Variants in CCDC178 observed in about 807,000 individuals in gnomAD.
CCDC178 encodes coiled-coil domain containing 178.
CCDC178 carries 126 observed loss-of-function variants against 117.4 expected under a neutral mutation model. The observed-to-expected ratio is 1.07, with a 90% CI of 0.93 to 1.24. The LOEUF is 1.24. Among genes scored for constraint, CCDC178 ranks in the 50% most tolerant of loss-of-function variants. The probability of loss-of-function intolerance (pLI) is 0.00; values close to 1 mark genes in which losing one functional copy is unlikely to be tolerated. For missense variants in CCDC178, 1,030 were observed against 986.9 expected (o/e 1.04, Z -0.59); for synonymous variants, 283 against 313.4 (o/e 0.90, Z 1.02).
chr18:33,163,858 A>G (rs1310686128), intron 20 of CCDC178, among the ~76,000 whole-genome samples: 1 of 152,186 alleles, frequency 6.6e-6, no homozygotes, highest in Non-Finnish European at 1.5e-5. Flanking sequence ...TAATTTTTCC[A>G]ATCATATTGC....
chr18:33,024,470 G>A (rs1485699910), intron 21 of CCDC178, among the ~76,000 whole-genome samples: 1 of 151,868 alleles, frequency 6.6e-6, no homozygotes, highest in African/African-American at 2.4e-5. Context: ...CCGAATTAGG[G>A]TCCACCCATA....
intron 15 of CCDC178, among the ~76,000 whole-genome samples, chr18:33,244,636 G>A (rs1378063412): frequency 6.6e-6 from 1 of 151,900 alleles, no homozygotes; most frequent in African/African-American, 2.4e-5. Context: ...GCAGAACTGA[G>A]TCAATTAAAC....
chr18:33,227,583 C>T (rs1168494423), intron 15 of CCDC178, among the ~76,000 whole-genome samples: 7 of 145,984 alleles, frequency 4.8e-5, no homozygotes, highest in African/African-American at 1.8e-4. Flanking sequence ...TATATATACA[C>T]ACACACACAC....
intron 11 of CCDC178, among the ~76,000 whole-genome samples, chr18:33,307,633 G>A (rs191168539): frequency 1.6e-3 from 250 of 152,294 alleles, no homozygotes; most frequent in Non-Finnish European, 3.0e-3. Context: ...GGGCATGTCA[G>A]AGACCTTCAC....
At chr18:33,082,049 G>T (rs2057305950) in intron 21 of CCDC178, among the ~76,000 whole-genome samples, 1 of 152,130 alleles carries the variant, frequency 6.6e-6, no homozygotes, top group Non-Finnish European at 1.5e-5. Context: ...TGCTTTACTT[G>T]AAGTCCATTT....
intron 21 of CCDC178, among the ~76,000 whole-genome samples, chr18:33,023,804 A>T (rs980198061): frequency 1.1e-4 from 17 of 152,300 alleles, no homozygotes; most frequent in South Asian, 4.1e-4. Context: ...TCTTCAATAT[A>T]TATGTTCTCT....
chr18:33,250,076 T>C (rs1438987158), intron 14 of CCDC178, among the ~76,000 whole-genome samples: 2 of 151,536 alleles, frequency 1.3e-5, no homozygotes. Flanking sequence ...TTTATTAAAA[T>C]AACTATTAAA....
At chr18:33,310,942 C>T (rs2062333682) in intron 11 of CCDC178, among the ~76,000 whole-genome samples, 5 of 152,212 alleles carry the variant, frequency 3.3e-5, no homozygotes, top group Admixed American at 2.0e-4. Context: ...GCCAGTCTTC[C>T]TCTATGATGT....
intron 12 of CCDC178, among the ~76,000 whole-genome samples, chr18:33,279,101 C>T (rs2059989650): frequency 1.3e-5 from 2 of 152,000 alleles, no homozygotes; most frequent in Non-Finnish European, 2.9e-5. Context: ...GAAGTTCTGG[C>T]CAGGGCAATG....
At chr18:33,049,281 T>C (rs573247895) in intron 21 of CCDC178, among the ~76,000 whole-genome samples, 4 of 152,120 alleles carry the variant, frequency 2.6e-5, no homozygotes, top group Non-Finnish European at 5.9e-5. Flanking sequence ...CTTATAAAGA[T>C]GTTAATAAAT....
intron 22 of CCDC178, among the ~76,000 whole-genome samples, chr18:32,968,042 A>G (rs920847838): frequency 1.3e-5 from 2 of 151,836 alleles, no homozygotes; most frequent in Non-Finnish European, 2.9e-5. Flanking sequence ...TGAAATGTAC[A>G]TTATTGTTAA....
At chr18:33,436,296 T>C (rs1427115739) in intron 2 of CCDC178, among the ~76,000 whole-genome samples, 1 of 151,960 alleles carries the variant, frequency 6.6e-6, no homozygotes, top group Non-Finnish European at 1.5e-5. Flanking sequence ...CACAAACATT[T>C]CCCATAAATG....
intron 21 of CCDC178, among the ~76,000 whole-genome samples, chr18:32,986,680 G>C (rs996135964): frequency 3.3e-5 from 5 of 152,030 alleles, no homozygotes; most frequent in Non-Finnish European, 5.9e-5. Flanking sequence ...AGAAGGAATG[G>C]TGAATAACAA....
At chr18:32,971,668 C>T (rs1023126772) in intron 22 of CCDC178, among the ~76,000 whole-genome samples, 7 of 152,168 alleles carry the variant, frequency 4.6e-5, no homozygotes, top group Admixed American at 4.6e-4. Flanking sequence ...TATTTCTCCA[C>T]AACCTCGCCA....
intron 19 of CCDC178, among the ~76,000 whole-genome samples, chr18:33,212,977 C>T (rs566900589): frequency 6.8e-4 from 104 of 152,008 alleles, no homozygotes; most frequent in Non-Finnish European, 1.3e-3. Context: ...TCTACCGATA[C>T]AGAAAATTAA....
chr18:33,163,261 T>C (rs1372840144), intron 20 of CCDC178, among the ~76,000 whole-genome samples: 1 of 152,066 alleles, frequency 6.6e-6, no homozygotes, highest in African/African-American at 2.4e-5. Flanking sequence ...TTTTAAATAA[T>C]ACCTTTTCAA....
chr18:33,225,834 T>A (rs2144633976), intron 16 of CCDC178, among the ~76,000 whole-genome samples: 1 of 152,328 alleles, frequency 6.6e-6, no homozygotes, highest in Non-Finnish European at 1.5e-5. Flanking sequence ...TTAGGTTTAC[T>A]TCCAAGAGAA....
intron 21 of CCDC178, among the ~76,000 whole-genome samples, chr18:33,066,283 G>A (rs778741557): frequency 3.1e-4 from 47 of 150,560 alleles, no homozygotes; most frequent in Admixed American, 5.3e-4. Context: ...AAAGTAAAAG[G>A]ATGATATCTA....
At chr18:33,411,318 G>A (rs1211186065) in intron 3 of CCDC178, among the ~76,000 whole-genome samples, 2 of 152,058 alleles carry the variant, frequency 1.3e-5, no homozygotes, top group Non-Finnish European at 2.9e-5. Flanking sequence ...AGATTTTGTG[G>A]GCCAAATGCA....
Sources: allele counts gnomAD v4.1 joint callset (sites outside exome capture counted in the v4.1 genomes callset), GRCh38; gene constraint gnomAD v4.1.1; transcripts MANE v1.5; gene names NCBI Gene and HGNC (gene_info 2026-07-23, HGNC 2026-07-21).